The following SGCZ variants were observed in gnomAD, a reference collection of about 807,000 sequenced individuals.
SGCZ encodes zeta-sarcoglycan.
Under a neutral mutation model 41.3 loss-of-function variants are expected in SGCZ, and 40 were observed. The observed-to-expected ratio is 0.97, with a 90% CI of 0.75 to 1.26. SGCZ has a LOEUF of 1.26. Ranked by LOEUF, SGCZ falls within the 50% of genes most tolerant of loss-of-function variation. The pLI, the probability that SGCZ is intolerant of heterozygous loss-of-function variation, is 0.00. For synonymous variants in SGCZ, 206 were observed against 137.5 expected, an observed-to-expected ratio of 1.50 and a Z score of -3.49; for missense variants, 552 against 369.8, an observed-to-expected ratio of 1.49 and a Z score of -4.04.
intron 1 of SGCZ, among the ~76,000 whole-genome samples, chr8:15,167,618 C>G (rs567738315): frequency 5.9e-5 from 9 of 152,170 alleles, no homozygotes; most frequent in South Asian, 2.1e-4. Context: ...AATAAACAGA[C>G]CAAGTGTAAG....
intron 2 of SGCZ, among the ~76,000 whole-genome samples, chr8:14,551,268 C>T (rs68146051): frequency 0.043 from 6,088 of 142,268 alleles, 179 homozygotes; most frequent in South Asian, 0.12. Flanking sequence ...TGAGTGTTGA[C>T]GCTAGAAAAG....
chr8:14,787,822 G>C (rs940796705), intron 1 of SGCZ, among the ~76,000 whole-genome samples: 8 of 151,702 alleles, frequency 5.3e-5, no homozygotes, highest in African/African-American at 1.9e-4. Context: ...CTCCAGCCTG[G>C]ACAACAACAG....
At chr8:14,101,637 T>A (rs1272314815) in intron 7 of SGCZ, among the ~76,000 whole-genome samples, 2 of 151,066 alleles carry the variant, frequency 1.3e-5, no homozygotes, top group Non-Finnish European at 2.9e-5. Context: ...AATGTATACA[T>A]CCTATTCCAG....
At chr8:14,316,749 A>G (rs1217820358) in intron 3 of SGCZ, among the ~76,000 whole-genome samples, 2 of 151,540 alleles carry the variant, frequency 1.3e-5, no homozygotes, top group Non-Finnish European at 2.9e-5. Context: ...CATTCCACGG[A>G]AATCTTATAA....
At chr8:15,022,915 G>A (rs945784650) in intron 1 of SGCZ, among the ~76,000 whole-genome samples, 1 of 152,186 alleles carries the variant, frequency 6.6e-6, no homozygotes, top group African/African-American at 2.4e-5. Context: ...TTCACAGCCA[G>A]TGTGTGGCAG....
intron 2 of SGCZ, among the ~76,000 whole-genome samples, chr8:14,417,704 A>T (rs1248842102): frequency 6.6e-6 from 1 of 151,856 alleles, no homozygotes; most frequent in Non-Finnish European, 1.5e-5. Flanking sequence ...TTGCTAAGGG[A>T]GTAGATAGCA....
intron 2 of SGCZ, among the ~76,000 whole-genome samples, chr8:14,388,189 T>G (rs1010555541): frequency 2.0e-5 from 3 of 151,924 alleles, no homozygotes; most frequent in African/African-American, 7.3e-5. Context: ...ATATATTGCC[T>G]GATACGAAAA....
At chr8:15,174,859 A>G (rs1799950665) in intron 1 of SGCZ, among the ~76,000 whole-genome samples, 1 of 152,210 alleles carries the variant, frequency 6.6e-6, no homozygotes, top group Non-Finnish European at 1.5e-5. Flanking sequence ...CATGCTGGTA[A>G]GGTTGTGGAG....
intron 1 of SGCZ, among the ~76,000 whole-genome samples, chr8:15,079,233 G>A (rs939186023): frequency 5.3e-5 from 8 of 151,966 alleles, no homozygotes; most frequent in African/African-American, 1.9e-4. Flanking sequence ...ATTTATTATA[G>A]GCAGGAATGT....
intron 4 of SGCZ, among the ~76,000 whole-genome samples, chr8:14,210,119 G>A (rs902259348): frequency 1.3e-5 from 2 of 152,120 alleles, no homozygotes; most frequent in Admixed American, 6.5e-5. Context: ...ACGCAGTTGT[G>A]TGATCCTGGC....
chr8:14,995,621 A>G (rs528986713), intron 1 of SGCZ, among the ~76,000 whole-genome samples: 1 of 152,304 alleles, frequency 6.6e-6, no homozygotes, highest in Non-Finnish European at 1.5e-5. Context: ...TGCAATGACC[A>G]TTCACTTGAG....
chr8:15,132,116 A>G (rs563340239), intron 1 of SGCZ, among the ~76,000 whole-genome samples: 1 of 152,230 alleles, frequency 6.6e-6, no homozygotes, highest in Non-Finnish European at 1.5e-5. Context: ...TAGCTCAGTT[A>G]ATTACAAGTC....
chr8:15,174,268 T>C (rs1799935363), intron 1 of SGCZ, among the ~76,000 whole-genome samples: 1 of 152,138 alleles, frequency 6.6e-6, no homozygotes, highest in Admixed American at 6.5e-5. Context: ...GATCAAATAG[T>C]TTTTTCATTG....
intron 1 of SGCZ, among the ~76,000 whole-genome samples, chr8:14,653,161 GT>G (rs993562548): frequency 6.6e-6 from 1 of 151,944 alleles, no homozygotes; most frequent in Non-Finnish European, 1.5e-5. Flanking sequence ...TCTCAGATCT[GT>G]TTTTTTAATC....
At chr8:14,172,514 T>C (rs1804418175) in intron 4 of SGCZ, among the ~76,000 whole-genome samples, 3 of 152,150 alleles carry the variant, frequency 2.0e-5, no homozygotes. Flanking sequence ...AAGGCCATGG[T>C]GGAAAAATGA....
At chr8:14,494,403 C>T (rs942235343) in intron 2 of SGCZ, among the ~76,000 whole-genome samples, 10 of 151,932 alleles carry the variant, frequency 6.6e-5, no homozygotes, top group African/African-American at 2.4e-4. Context: ...ATCCCATGAG[C>T]CAAAAGTTTT....
intron 2 of SGCZ, among the ~76,000 whole-genome samples, chr8:14,465,192 T>A (rs2116963256): frequency 6.6e-6 from 1 of 151,894 alleles, no homozygotes; most frequent in African/African-American, 2.4e-5. Context: ...TTTGTACAAC[T>A]GTCTGTTTGC....
intron 1 of SGCZ, among the ~76,000 whole-genome samples, chr8:15,174,678 T>G (rs1160018227): frequency 6.6e-6 from 1 of 152,190 alleles, no homozygotes; most frequent in African/African-American, 2.4e-5. Flanking sequence ...GTATAAACGA[T>G]CCAATTTATC....
chr8:14,499,361 C>G (rs536797452), intron 2 of SGCZ, among the ~76,000 whole-genome samples: 5 of 152,084 alleles, frequency 3.3e-5, no homozygotes, highest in African/African-American at 1.2e-4. Context: ...ATATTTAGGA[C>G]ACAACATAAA....
Sources: allele counts gnomAD v4.1 joint callset (sites outside exome capture counted in the v4.1 genomes callset), GRCh38; gene constraint gnomAD v4.1.1; transcripts MANE v1.5; gene names NCBI Gene and HGNC (gene_info 2026-07-23, HGNC 2026-07-21).